Variants in INPP5F observed in about 807,000 individuals in gnomAD.
The protein encoded by INPP5F is phosphatidylinositide 4-phosphatase SAC2.
In INPP5F, 97 loss-of-function variants were observed where a neutral mutation model predicts 137.2. The observed-to-expected ratio is 0.71, with a 90% CI of 0.60 to 0.84. The LOEUF (loss-of-function observed/expected upper bound fraction) is 0.84. Among genes scored for constraint, INPP5F ranks in the 40% least tolerant of loss-of-function variants. The pLI is 0.00. For missense variants in INPP5F, 1,271 were observed against 1,371.9 expected (o/e 0.93, Z 1.16); for synonymous variants, 504 against 476.9 (o/e 1.06, Z -0.74).
chr10:119,753,808 T>G (rs564022653), intron 2 of INPP5F, among the ~76,000 whole-genome samples: 2 of 152,310 alleles, frequency 1.3e-5, no homozygotes, highest in East Asian at 3.9e-4. Flanking sequence ...TCAAGGCTCT[T>G]TGGTTGCAAA....
intron 15 of INPP5F, chr10:119,815,702 A>C: frequency 3.9e-6 from 1 of 258,842 alleles, no homozygotes; most frequent in Non-Finnish European, 7.9e-6. Flanking sequence ...GTCTGAGGGA[A>C]TGACGTGTTA....
chr10:119,776,208 C>G (rs982780843), intron 2 of INPP5F, among the ~76,000 whole-genome samples: 2 of 152,110 alleles, frequency 1.3e-5, no homozygotes, highest in Non-Finnish European at 1.5e-5. Context: ...ATTGACAAAG[C>G]TTTGTTTCTG....
Position 119,827,345 on chromosome 10 carries a change from AAATCAAATGACC to A in INPP5F, c.2971_2982del (p.Met991_Gln994del), listed in dbSNP as rs1221236960. On this transcript the variant is annotated inframe_deletion, in exon 20 of 20. Transcript: ENST00000650623. The stretch of plus-strand genomic sequence containing the variant: ...TGTCTCAGCAGGCTAGTCAGGAAAG[AAATCAAATGACC>A]AATCAAGTTTCAAATGAAACCCAAT... 3.1e-6 allele frequency: 5 copies of A among 1,614,092 alleles called. No individual in the cohort carries two copies. The highest frequency in any genetic ancestry group is 3.4e-6 in the Non-Finnish European group (4 of 1,180,034).
At chr10:119,765,828 T>C (rs1316463138) in intron 2 of INPP5F, among the ~76,000 whole-genome samples, 1 of 147,548 alleles carries the variant, frequency 6.8e-6, no homozygotes, top group Non-Finnish European at 1.5e-5. Context: ...ATATACTATA[T>C]ATAAATACTA....
intron 1 of INPP5F, among the ~76,000 whole-genome samples, chr10:119,749,845 C>T (rs775697656): frequency 7.9e-5 from 12 of 152,208 alleles, no homozygotes; most frequent in Non-Finnish European, 1.3e-4. Flanking sequence ...GTGGTGCGAT[C>T]TTGGCTCGCT....
intron 17 of INPP5F, among the ~76,000 whole-genome samples, chr10:119,822,749 CAGAA>C (rs1448330063): frequency 6.6e-6 from 1 of 152,176 alleles, no homozygotes; most frequent in Non-Finnish European, 1.5e-5. Context: ...TGTTAGAAAC[CAGAA>C]AGGGATATTC....
chr10:119,754,200 A>C (rs1051113716), intron 2 of INPP5F, among the ~76,000 whole-genome samples: 2 of 152,232 alleles, frequency 1.3e-5, no homozygotes, highest in Admixed American at 1.3e-4. Flanking sequence ...GGTCACGTAG[A>C]TCAGACCGTG....
intron 2 of INPP5F, among the ~76,000 whole-genome samples, chr10:119,753,645 G>C (rs1414157376): frequency 6.6e-6 from 1 of 152,174 alleles, no homozygotes; most frequent in Non-Finnish European, 1.5e-5. Flanking sequence ...GCTGGGTGCT[G>C]AGAAGGCAGC....
chr10:119,746,564 C>G (rs1380159334), intron 1 of INPP5F, among the ~76,000 whole-genome samples: 2 of 152,064 alleles, frequency 1.3e-5, no homozygotes, highest in African/African-American at 4.8e-5. Flanking sequence ...TAGTTAACAA[C>G]TAACAGAGAT....
chr10:119,807,610 G>A (rs1212717663), intron 12 of INPP5F, among the ~76,000 whole-genome samples: 1 of 152,210 alleles, frequency 6.6e-6, no homozygotes, highest in Non-Finnish European at 1.5e-5. Flanking sequence ...GCCACTATTA[G>A]TATTGTTTCT....
chr10:119,828,383 C>T lies in INPP5F; in HGVS notation c.*603C>T, dbSNP rs1006542707. On this transcript the variant is annotated 3_prime_UTR_variant, in exon 20 of 20. Coordinates refer to ENST00000650623, the MANE Select transcript of INPP5F (RefSeq NM_014937.4). ...TGAACACATTAAAAATACTCTGCTGCCTATACAATGTAAACCTAGGAGCAT... is the reference window on the plus strand; with the variant it reads ...TGAACACATTAAAAATACTCTGCTGTCTATACAATGTAAACCTAGGAGCAT... 6.6e-6 allele frequency: 1 copy of T among 152,436 alleles called. No individual in the cohort carries two copies. Among genetic ancestry groups the T allele is most frequent in the Non-Finnish European group, 1.5e-5 (1 of 68,252 alleles). 9.4% of individuals were successfully genotyped at this position (152,436 alleles called of 1,614,324 possible).
chr10:119,752,070 T>C (rs1161436235), intron 2 of INPP5F, among the ~76,000 whole-genome samples: 1 of 152,262 alleles, frequency 6.6e-6, no homozygotes, highest in Non-Finnish European at 1.5e-5. Flanking sequence ...GTCCTTTTTA[T>C]TTAAAAATAA....
intron 1 of INPP5F, among the ~76,000 whole-genome samples, chr10:119,730,825 G>T (rs1368601751): frequency 6.7e-6 from 1 of 149,978 alleles, no homozygotes; most frequent in African/African-American, 2.5e-5. Context: ...GTCTCGCTCT[G>T]TTGCCAGGCT....
chr10:119,765,122 T>C (rs1249609289), intron 2 of INPP5F, among the ~76,000 whole-genome samples: 1 of 151,528 alleles, frequency 6.6e-6, no homozygotes, highest in African/African-American at 2.4e-5. Context: ...TTCGTAGAGA[T>C]GGGGTTTCAC....
intron 2 of INPP5F, among the ~76,000 whole-genome samples, chr10:119,779,380 T>A (rs77709718): frequency 0.028 from 4,251 of 152,236 alleles, 99 homozygotes; most frequent in Non-Finnish European, 0.042. Flanking sequence ...ACACTGACTT[T>A]AAAATCTTTT....
At chr10:119,795,249 C>T (rs1850323263) in intron 6 of INPP5F, among the ~76,000 whole-genome samples, 1 of 147,966 alleles carries the variant, frequency 6.8e-6, no homozygotes. Flanking sequence ...GCTGGCCGGG[C>T]GGGGGGCTGA....
intron 9 of INPP5F, among the ~76,000 whole-genome samples, chr10:119,800,797 A>G (rs2134232657): frequency 6.6e-6 from 1 of 152,146 alleles, no homozygotes; most frequent in South Asian, 2.1e-4. Context: ...TAAAAATACA[A>G]AAATTAGCTG....
rs1851840953 is a variant in INPP5F, at chr10:119,827,974, A to T, written c.*194A>T. ...GACTACAGAAGTGCATCATTCTAGA[A>T]TGTGTAGACCTGAGTAGCTTATACA... is the stretch of plus-strand genomic sequence containing the variant. On this transcript the variant is annotated 3_prime_UTR_variant, in exon 20 of 20. Coordinates refer to ENST00000650623, the MANE Select transcript of INPP5F (RefSeq NM_014937.4). 1 of 542,264 alleles carries T rather than the reference A, an allele frequency of 1.8e-6. No individual in the cohort carries two copies. 33.6% of individuals were successfully genotyped at this position (542,264 alleles called of 1,614,324 possible). A position where few individuals can be genotyped will look rare whatever the true frequency, so the allele number is the denominator to read the frequency against.
At chr10:119,824,170 C>T (rs761132348) in intron 19 of INPP5F, among the ~76,000 whole-genome samples, 8 of 152,020 alleles carry the variant, frequency 5.3e-5, no homozygotes, top group East Asian at 1.9e-4. Context: ...TTTATATTAC[C>T]GACTTATAAC....
Sources: gnomAD v4.1 joint callset for allele counts (sites outside exome capture counted in the v4.1 genomes callset) on GRCh38, gnomAD v4.1.1 for gene constraint, MANE v1.5 for transcripts, NCBI Gene and HGNC (gene_info 2026-07-23, HGNC 2026-07-21) for gene names.